The following NWD1 variants were observed in gnomAD, a reference collection of about 807,000 sequenced individuals.
NWD1 encodes NACHT and WD repeat domain containing 1, also known as NACHT domain- and WD repeat-containing protein 1.
In NWD1, 129 loss-of-function variants were observed where a neutral mutation model predicts 135.1. That is an observed-to-expected ratio of 0.96 (90% CI 0.83 to 1.11). The LOEUF (loss-of-function observed/expected upper bound fraction) is 1.11. Ranked by LOEUF, NWD1 falls within the 50% of genes least tolerant of loss-of-function variation. The pLI, the probability that NWD1 is intolerant of heterozygous loss-of-function variation, is 0.00. For missense variants in NWD1, 1,740 were observed against 1,851.3 expected (o/e 0.94, Z 1.10); for synonymous variants, 773 against 786.0 (o/e 0.98, Z 0.28).
rs1181945935 is a variant in NWD1 at position 16,814,383 on chromosome 19, C to A, written c.4288-645C>A. Among the ~76,000 whole-genome samples, 7 of 152,216 alleles carry A rather than the reference C, an allele frequency of 4.6e-5. No homozygotes were observed. In the South Asian group the frequency reaches 1.5e-3, roughly 32 times the overall value. ...TACACTGTCTCCTATAGAAAAGGCGCTCATTGTGTATTATCTCTTTGAACC... is the reference window on the plus strand; with the variant it reads ...TACACTGTCTCCTATAGAAAAGGCGATCATTGTGTATTATCTCTTTGAACC... On this transcript the variant is annotated intron_variant, in intron 18 of 18. Transcript: ENST00000524140.
At chr19:16,744,786 C>G (rs1284866995) in intron 5 of NWD1, 68 bp downstream of exon 5, 2 of 1,346,896 alleles carry the variant, frequency 1.5e-6, no homozygotes, top group Admixed American at 4.0e-5. Context: ...ATATCCATCC[C>G]CTGTTGGCAA....
chr19:16,722,247 C>T (rs1967164913), intron 1 of NWD1, among the ~76,000 whole-genome samples: 1 of 150,840 alleles, frequency 6.6e-6, no homozygotes, highest in Admixed American at 6.6e-5. Flanking sequence ...TGCAGTGAGC[C>T]ACAATAGTGC....
In NWD1 at chr19:16,791,522, A is replaced by C; in HGVS notation, c.3113A>C (p.Gln1038Pro). Residue 1038 changes from glutamine to proline, a missense_variant, in exon 14 of 19, where the codon CAA becomes CCA. Transcript: ENST00000524140. Reference sequence around the variant, plus strand: ...GCTACGGGAAAACTTCAGGGGAAGCAACATATGTCCAGCATCAAAGAAGAA... The same window carrying C: ...GCTACGGGAAAACTTCAGGGGAAGCCACATATGTCCAGCATCAAAGAAGAA... ...SSATGKLQGK[Q>P]HMSSIKEETP... 1.2e-6 allele frequency: 2 copies of C among 1,614,164 alleles called. No homozygotes were observed. Among genetic ancestry groups the C allele is most frequent in the Non-Finnish European group, 1.7e-6 (2 of 1,180,026 alleles).
At position 16,815,046 on chromosome 19, in the gene NWD1, A is replaced by G. The variant is rs140072242; in HGVS notation, c.*7A>G. ...CTTACAGGCACCCTGCTGACAGTCC[A>G]GTTTGTCCATGCTGTGGTAAACAGA... is the stretch of plus-strand genomic sequence containing the variant. On this transcript the variant is annotated 3_prime_UTR_variant, in exon 19 of 19. Transcript: ENST00000524140. The G allele has an allele frequency of 6.2e-7, 1 of 1,613,870 alleles. No homozygotes were observed. The highest frequency in any genetic ancestry group is 8.5e-7 in the Non-Finnish European group (1 of 1,179,868).
intron 3 of NWD1, among the ~76,000 whole-genome samples, chr19:16,732,928 G>A (rs1197894749): frequency 6.6e-6 from 1 of 152,100 alleles, no homozygotes; most frequent in African/African-American, 2.4e-5. Context: ...GTCCCATTTG[G>A]TTAAAAGATG....
chr19:16,778,751 C>T (rs571113974), intron 11 of NWD1, among the ~76,000 whole-genome samples: 39 of 152,260 alleles, frequency 2.6e-4, no homozygotes, highest in South Asian at 8.3e-4. Context: ...TCAAGTGATC[C>T]GCCCACCTCG....
rs147419023 is a variant in NWD1 at position 16,807,733 on chromosome 19, C to A, written c.3884C>A (p.Pro1295His). 1.2e-4 allele frequency: 195 copies of A among 1,613,424 alleles called. No individual in the cohort carries two copies. In the African/African-American group the frequency reaches 2.0e-3, roughly 16 times the overall value. ...NSRQDVICIP[P>H]PEARKAINCM... is the part of the protein sequence containing the mutation. ...AGGCAGGACGTGATATGCATTCCCC[C>A]TCCCGAGGCCCGGAAAGCAATCAAC... Residue 1295 changes from proline (P) to histidine (H), a missense_variant, in exon 18 of 19, where the codon CCT becomes CAT. Transcript: ENST00000524140.
chr19:16,736,421 G>A (rs1450011098), intron 3 of NWD1, among the ~76,000 whole-genome samples: 1 of 151,896 alleles, frequency 6.6e-6, no homozygotes, highest in East Asian at 1.9e-4. Context: ...CTTGAAGAAC[G>A]CCCTTCCCTC....
intron 12 of NWD1, among the ~76,000 whole-genome samples, chr19:16,788,550 C>T (rs533610441): frequency 7.7e-6 from 1 of 130,438 alleles, no homozygotes; most frequent in Admixed American, 8.4e-5. Context: ...GCCTGGGTGA[C>T]AGAGAGAGTC....
intron 5 of NWD1, among the ~76,000 whole-genome samples, chr19:16,746,112 T>C (rs1968302561): frequency 1.3e-5 from 2 of 151,940 alleles, no homozygotes; most frequent in African/African-American, 2.4e-5. Context: ...CCCAGCACTT[T>C]GGGAGTCTGA....
chr19:16,790,105 G>A (rs1970190464), intron 13 of NWD1, among the ~76,000 whole-genome samples: 1 of 152,062 alleles, frequency 6.6e-6, no homozygotes, highest in Admixed American at 6.6e-5. Flanking sequence ...TCATAACCCT[G>A]TGATTTCATA....
chr19:16,806,099 C>T (rs980785619), intron 17 of NWD1, among the ~76,000 whole-genome samples: 2 of 152,096 alleles, frequency 1.3e-5, no homozygotes, highest in African/African-American at 4.8e-5. Context: ...TCTCAAACTC[C>T]TGACCTCAGG....
chr19:16,798,821 T>C (rs779934306), intron 16 of NWD1, among the ~76,000 whole-genome samples: 62 of 152,116 alleles, frequency 4.1e-4, no homozygotes, highest in Non-Finnish European at 2.5e-4. Flanking sequence ...GAGACGGGGT[T>C]CCGCCATGTT....
chr19:16,810,744 C>T (rs530401181), intron 18 of NWD1, among the ~76,000 whole-genome samples: 2 of 152,134 alleles, frequency 1.3e-5, no homozygotes, highest in African/African-American at 4.8e-5. Context: ...CCCTGGATGA[C>T]GATACAAGAT....
intron 13 of NWD1, among the ~76,000 whole-genome samples, chr19:16,789,716 CTTTT>C (rs11383216): frequency 2.5e-5 from 3 of 119,576 alleles, no homozygotes; most frequent in Non-Finnish European, 3.4e-5. Flanking sequence ...TCCTCTCTCT[CTTTT>C]TTTTTTTTTT....
intron 11 of NWD1, among the ~76,000 whole-genome samples, chr19:16,774,331 TCCATCCATCCATCCATCCTCCCAC>T (rs1969524390): frequency 6.7e-6 from 1 of 148,750 alleles, no homozygotes; most frequent in South Asian, 2.2e-4. Context: ...TTCCTCTCCA[TCCATCCATCCATCCATCCTCCCAC>T]CCATCCACCC....
intron 6 of NWD1, among the ~76,000 whole-genome samples, chr19:16,756,449 A>C (rs1968801238): frequency 6.6e-6 from 1 of 151,926 alleles, no homozygotes; most frequent in African/African-American, 2.4e-5. Context: ...ATATAAGTGG[A>C]CTCATGCAGT....
intron 7 of NWD1, among the ~76,000 whole-genome samples, chr19:16,761,366 T>C (rs1270216290): frequency 6.6e-6 from 1 of 151,970 alleles, no homozygotes; most frequent in Non-Finnish European, 1.5e-5. Context: ...CTTTCTTTCT[T>C]TCCTTCTTTC....
chr19:16,757,671 A>T (rs773848), intron 6 of NWD1, among the ~76,000 whole-genome samples: 14,034 of 152,040 alleles, frequency 0.092, 1,116 homozygotes, highest in African/African-American at 0.21. Flanking sequence ...TGCTTAGGGG[A>T]TGTCTTCAGG....
Sources: gnomAD v4.1 joint callset for allele counts (sites outside exome capture counted in the v4.1 genomes callset) on GRCh38, gnomAD v4.1.1 for gene constraint, MANE v1.5 for transcripts, NCBI Gene and HGNC (gene_info 2026-07-23, HGNC 2026-07-21) for gene names.